Variants in PIH1D2 observed in about 807,000 individuals in gnomAD.
PIH1D2 encodes PIH1 domain containing 2, also known as PIH1 domain-containing protein 2.
PIH1D2 carries 25 observed loss-of-function variants against 31.2 expected under a neutral mutation model. That is an observed-to-expected ratio of 0.80 (90% confidence interval 0.58 to 1.12). PIH1D2 has a LOEUF of 1.12. PIH1D2 is among the 50% of genes most tolerant of loss of function. The probability of loss-of-function intolerance (pLI) is 0.00; values close to 1 mark genes in which losing one functional copy is unlikely to be tolerated. For synonymous variants in PIH1D2, 116 were observed against 119.9 expected (o/e 0.97, Z 0.21); for missense variants, 310 against 356.6 (o/e 0.87, Z 1.05).
At chr11:112,059,980 T>G (rs782348613), downstream of PIH1D2, 2 of 1,613,962 alleles carry the variant, frequency 1.2e-6, no homozygotes, top group Admixed American at 3.3e-5. Flanking sequence ...AATGCACATA[T>G]AAAAGGAGTG....
At chr11:112,061,765 A>G (rs967566071), downstream of PIH1D2, among the ~76,000 whole-genome samples, 3 of 152,056 alleles carry the variant, frequency 2.0e-5, no homozygotes, top group Non-Finnish European at 2.9e-5. Flanking sequence ...TTGTATTTTT[A>G]GTAGACATGT....
At chr11:112,059,681 C>T (rs891200421), downstream of PIH1D2, among the ~76,000 whole-genome samples, 3 of 152,302 alleles carry the variant, frequency 2.0e-5, no homozygotes, top group South Asian at 2.1e-4. Flanking sequence ...GCATGAGCCA[C>T]CGTTCCCGGA....
At chr11:112,057,533 G>A in the PIH1D2 span, among the ~76,000 whole-genome samples, 4 of 152,176 alleles carry the variant, frequency 2.6e-5, no homozygotes, top group Admixed American at 6.5e-5. Context: ...TTGCTGATAC[G>A]GAGAAAGTTT....
chr11:112,052,503 T>C, the PIH1D2 span, among the ~76,000 whole-genome samples: 2 of 152,292 alleles, frequency 1.3e-5, no homozygotes, highest in Non-Finnish European at 2.9e-5. Context: ...ACACTTTATG[T>C]TTATTATAAA....
downstream of PIH1D2, among the ~76,000 whole-genome samples, chr11:112,059,607 G>C (rs914408532): frequency 6.6e-5 from 10 of 152,114 alleles, no homozygotes; most frequent in African/African-American, 2.4e-4. Context: ...TGGCCAGGCT[G>C]GTCTCAAACT....
At chr11:112,068,571 G>T (rs1865007133) in intron 5 of PIH1D2, among the ~76,000 whole-genome samples, 1 of 152,056 alleles carries the variant, frequency 6.6e-6, no homozygotes. Context: ...ATCACTTGAG[G>T]CCAGGAGTTC....
the PIH1D2 span, among the ~76,000 whole-genome samples, chr11:112,052,615 A>G: frequency 6.6e-6 from 1 of 151,930 alleles, no homozygotes; most frequent in Non-Finnish European, 1.5e-5. Flanking sequence ...TGGGCATACC[A>G]CCCTTCCAGC....
downstream of PIH1D2, among the ~76,000 whole-genome samples, chr11:112,058,307 C>G (rs587725406): frequency 2.0e-4 from 30 of 152,306 alleles, no homozygotes; most frequent in Non-Finnish European, 3.7e-4. Context: ...ACCTTGGCTA[C>G]AGTTCTGTGG....
At chr11:112,072,526 A>C (rs1280458237) in intron 2 of PIH1D2, among the ~76,000 whole-genome samples, 1 of 131,170 alleles carries the variant, frequency 7.6e-6, no homozygotes, top group Non-Finnish European at 1.6e-5. Flanking sequence ...AGCTTGAGCG[A>C]CAGAGCCAGC....
At chr11:112,071,361 A>C (rs1258610577) in intron 3 of PIH1D2, 78 bp from the exon 4 acceptor site, 1 of 1,449,936 alleles carries the variant, frequency 6.9e-7, no homozygotes, top group African/African-American at 1.4e-5. Context: ...ATATTAAACC[A>C]TATTCCTGAT....
chr11:112,064,280 C>T, downstream of PIH1D2: 1 of 1,412,124 alleles, frequency 7.1e-7, no homozygotes, highest in Non-Finnish European at 9.5e-7. Context: ...AAAAATTAAT[C>T]TGAGCTATAA....
intron 2 of PIH1D2, among the ~76,000 whole-genome samples, chr11:112,072,549 CAAAAAAAAA>C (rs148760956): frequency 5.0e-4 from 18 of 36,358 alleles, no homozygotes; most frequent in Admixed American, 3.4e-3. Context: ...GACCCTATCT[CAAAAAAAAA>C]AAAAAAAAAA....
chr11:112,064,238 AAC>A (rs782605814), downstream of PIH1D2: 6 of 1,549,312 alleles, frequency 3.9e-6, no homozygotes, highest in East Asian at 4.6e-5. Flanking sequence ...AAAAAATAAA[AAC>A]AGTTGCCTTC....
chr11:112,070,348 C>T, intron 5 of PIH1D2, 88 bp downstream of exon 5: 1 of 1,470,626 alleles, frequency 6.8e-7, no homozygotes, highest in South Asian at 1.3e-5. Context: ...TTGTAAGCCC[C>T]TGAAATTATG....
In PIH1D2 at chr11:112,071,059, A is replaced by C. The variant is rs782690665; in HGVS notation, c.526T>G (p.Leu176Val). 1 of 1,612,472 alleles carries C rather than the reference A, an allele frequency of 6.2e-7. No individual in the cohort carries two copies. The highest frequency in any genetic ancestry group is 8.5e-7 in the Non-Finnish European group (1 of 1,179,572). The change falls in exon 4 of 6, where the codon TTA (leucine) becomes GTA (valine). Residue 176 changes from leucine to valine, a missense_variant. Leu to Val is a conservative substitution (Grantham distance 32). Transcript: ENST00000280350. The part of the protein sequence containing the change: ...LMGIQTDSID[L>V]REKMRRELTL... Reference sequence around the variant, plus strand: ...TTACCCCTTCTCATTTTTTCTCTTAAATCTATGGAATCAGTTTGGATTCCC... The same window carrying C: ...TTACCCCTTCTCATTTTTTCTCTTACATCTATGGAATCAGTTTGGATTCCC...
At chr11:112,073,324 C>T (rs1865207566) in intron 1 of PIH1D2, 119 bp from the exon 2 acceptor site, 1 of 631,368 alleles carries the variant, frequency 1.6e-6, no homozygotes, top group Admixed American at 3.2e-5. Context: ...GCATTTGTGT[C>T]TAAAAGGTTG....
At chr11:112,073,762 T>C (rs1940048177) in intron 1 of PIH1D2, among the ~76,000 whole-genome samples, 1 of 152,244 alleles carries the variant, frequency 6.6e-6, no homozygotes, top group South Asian at 2.1e-4. Context: ...GGGACACTTC[T>C]CTACGTCTTC....
downstream of PIH1D2, chr11:112,062,589 G>T: frequency 1.9e-6 from 3 of 1,579,302 alleles, no homozygotes; most frequent in Middle Eastern, 2.3e-4. Flanking sequence ...TTCTTAACAA[G>T]ATATTTATAT....
At chr11:112,063,145 T>A (rs1463305476), downstream of PIH1D2, 1 of 152,812 alleles carries the variant, frequency 6.5e-6, no homozygotes, top group Non-Finnish European at 1.5e-5. Flanking sequence ...TATTTTTCTA[T>A]GAATTCCTAC....
Sources: gnomAD v4.1 joint callset for allele counts (sites outside exome capture counted in the v4.1 genomes callset) on GRCh38, gnomAD v4.1.1 for gene constraint, MANE v1.5 for transcripts, NCBI Gene and HGNC (gene_info 2026-07-23, HGNC 2026-07-21) for gene names.